KIF5B: variants seen among roughly 807,000 people sequenced by gnomAD.
KIF5B encodes kinesin-1 heavy chain.
KIF5B carries 49 observed loss-of-function variants against 132.8 expected under a neutral mutation model. That is an observed-to-expected ratio of 0.37 (90% CI 0.29 to 0.47). The LOEUF (loss-of-function observed/expected upper bound fraction) is 0.47. KIF5B is among the 20% of genes least tolerant of loss of function. The pLI is 1.00. For synonymous variants in KIF5B, 355 were observed against 369.4 expected, an observed-to-expected ratio of 0.96 and a Z score of 0.45; for missense variants, 780 against 1,144.0, an observed-to-expected ratio of 0.68 and a Z score of 4.59.
intron 2 of KIF5B, among the ~76,000 whole-genome samples, chr10:32,042,211 A>AC (rs1383802643): frequency 1.3e-5 from 2 of 152,094 alleles, no homozygotes; most frequent in Non-Finnish European, 2.9e-5. Context: ...AGAAAAAAAA[A>AC]CCCCAACATG....
chr10:32,042,978 T>C (rs1425773399), intron 2 of KIF5B, among the ~76,000 whole-genome samples: 4 of 152,110 alleles, frequency 2.6e-5, no homozygotes, highest in African/African-American at 9.7e-5. Context: ...CAAAACCCCG[T>C]GCACGGTACT....
At chr10:32,040,305 G>A (rs1005254757) in intron 3 of KIF5B, 79 bp downstream of exon 3, 49 of 842,312 alleles carry the variant, frequency 5.8e-5, no homozygotes, top group Middle Eastern at 2.2e-4. Flanking sequence ...AAATGTTTAT[G>A]CATGGTGAAA....
At chr10:32,034,664 A>G (rs753000507) in intron 11 of KIF5B, 26 bp downstream of exon 11, 2 of 1,511,402 alleles carry the variant, frequency 1.3e-6, no homozygotes, top group Non-Finnish European at 1.8e-6. Context: ...TAACAAACTG[A>G]AGATGACAAA....
In KIF5B at chr10:32,031,275, A is replaced by G; in HGVS notation, c.1379T>C (p.Leu460Ser). ...GTCTTGATCCCTTCTGGTAGATGCC[A>G]AAAGCTATAGGACAGAAAATAATTT... ...KTQMLDQEEL[L>S]ASTRRDQDNM... The change falls in exon 14 of 26, where the codon TTG (leucine) becomes TCG (serine). Residue 460 changes from leucine (L) to serine (S), a missense_variant. This residue lies in a region of KIF5B where 471 missense variants were observed against 569.9 expected (regional missense o/e 0.83). Coordinates refer to ENST00000302418, the MANE Select transcript of KIF5B (RefSeq NM_004521.3). The G allele has an allele frequency of 6.2e-7, 1 of 1,612,322 alleles. No individual in the cohort carries two copies. The highest frequency in any genetic ancestry group is 1.1e-5 in the South Asian group (1 of 91,024).
At chr10:32,034,062 T>C in intron 11 of KIF5B, 24 bp from the exon 12 acceptor site, 1 of 1,452,248 alleles carries the variant, frequency 6.9e-7, no homozygotes, top group Non-Finnish European at 9.3e-7. Context: ...ATAAAGTGGT[T>C]AATAAAAAAA....
Position 32,037,311 on chromosome 10 carries a change from TTG to T in KIF5B, c.652_653del (p.Gln218AsnfsTer13). 1 of 1,613,930 alleles carries T rather than the reference TTG, an allele frequency of 6.2e-7. No homozygotes were observed. Among genetic ancestry groups the T allele is most frequent in the Non-Finnish European group, 8.5e-7 (1 of 1,179,798 alleles). On this transcript the variant is annotated frameshift_variant, in exon 8 of 26. Coordinates refer to ENST00000302418, the MANE Select transcript of KIF5B (RefSeq NM_004521.3). LOFTEE classifies it high-confidence loss of function. ...GTTTTCCACTCAGCTTTTGTTCCGT[TTG>T]TGTGTTCTCTTGTTTGACATTAATA... ...FLINVKQENT[Q>X]TEQKLSGKLY...
At position 32,017,170 on chromosome 10, in the gene KIF5B, C is replaced by G; in HGVS notation, c.2734G>C (p.Ala912Pro). Residue 912 changes from alanine to proline, a missense_variant, in exon 24 of 26, where the codon GCC becomes CCC. By Grantham distance (27) the Ala-to-Pro change is conservative. Around this residue, in one of 9 missense-constraint regions of KIF5B, gnomAD observed 90 missense variants for 101.8 expected, o/e 0.88. Coordinates refer to ENST00000302418, the MANE Select transcript of KIF5B (RefSeq NM_004521.3). ...ATCTGTGCAGAATGCCCTCTTCTGGCCATATTCTTTGACCTGACTGCTTCC... is the reference window on the plus strand; with the variant it reads ...ATCTGTGCAGAATGCCCTCTTCTGGGCATATTCTTTGACCTGACTGCTTCC... ...IKEAVRSKNMARRGHSAQIAK... is the reference protein window; with the variant it reads ...IKEAVRSKNMPRRGHSAQIAK... 6.2e-7 allele frequency: 1 copy of G among 1,614,110 alleles called. No individual in the cohort carries two copies. The highest frequency in any genetic ancestry group is 8.5e-7 in the Non-Finnish European group (1 of 1,179,946).
intron 14 of KIF5B, among the ~76,000 whole-genome samples, chr10:32,030,796 G>A (rs1267138212): frequency 2.0e-5 from 3 of 152,010 alleles, no homozygotes; most frequent in Non-Finnish European, 4.4e-5. Context: ...GATTCTACAT[G>A]CTATATACTA....
At chr10:32,045,227 A>T (rs1841594089) in intron 2 of KIF5B, among the ~76,000 whole-genome samples, 1 of 152,186 alleles carries the variant, frequency 6.6e-6, no homozygotes, top group Non-Finnish European at 1.5e-5. Context: ...TGAGAAAGAT[A>T]AAAGTCCAGG....
chr10:32,015,952 T>C (rs917305615), intron 24 of KIF5B, among the ~76,000 whole-genome samples: 1 of 151,982 alleles, frequency 6.6e-6, no homozygotes, highest in East Asian at 1.9e-4. Flanking sequence ...AAGACCAGAC[T>C]AGGCAATAAG....
intron 14 of KIF5B, among the ~76,000 whole-genome samples, chr10:32,030,583 G>A (rs776302281): frequency 6.6e-6 from 1 of 151,392 alleles, no homozygotes; most frequent in African/African-American, 2.4e-5. Context: ...ACTGTTCCAC[G>A]TAGTGGAAAT....
rs1483043046 is a variant in KIF5B at position 32,010,196 on chromosome 10, A to G, written c.*1341T>C. Reference sequence around the variant, plus strand: ...TGTGAATTTCTGCTAACACAGTTGCAGTCACCGCCCCCCTACCACTGATGA... The same window carrying G: ...TGTGAATTTCTGCTAACACAGTTGCGGTCACCGCCCCCCTACCACTGATGA... On this transcript the variant is annotated 3_prime_UTR_variant, in exon 26 of 26. Coordinates refer to ENST00000302418, the MANE Select transcript of KIF5B (RefSeq NM_004521.3). The G allele has an allele frequency of 1.3e-5, 2 of 152,124 alleles. No individual in the cohort carries two copies. The highest frequency in any genetic ancestry group is 6.5e-5 in the Admixed American group (1 of 15,272). 9.4% of individuals were successfully genotyped at this position (152,124 alleles called of 1,614,324 possible).
intron 20 of KIF5B, 72 bp downstream of exon 20, chr10:32,019,786 A>G (rs1485686156): frequency 1.1e-5 from 11 of 1,023,650 alleles, no homozygotes; most frequent in Non-Finnish European, 1.3e-5. Flanking sequence ...CACTGGCTAT[A>G]TCCAAAGGTA....
intron 20 of KIF5B, among the ~76,000 whole-genome samples, chr10:32,019,627 A>T (rs1841230942): frequency 6.6e-6 from 1 of 152,232 alleles, no homozygotes; most frequent in African/African-American, 2.4e-5. Flanking sequence ...AGATTAATAA[A>T]GAGAAACCTT....
Position 32,018,082 on chromosome 10 carries a change from A to G in KIF5B, c.2514T>C (p.Asn838=). Residue 838 remains asparagine, a synonymous_variant, in exon 23 of 26, where the codon AAT becomes AAC. Coordinates refer to ENST00000302418, the MANE Select transcript of KIF5B (RefSeq NM_004521.3). ...TGTGCACTTTAGTGAGCTGTTCAAG[A>G]TTATTTTCAAGAAAGGAGATTTTTT... ...QKQKISFLEN[N]LEQLTKVHKQ... The G allele has an allele frequency of 6.2e-7, 1 of 1,610,090 alleles. No individual in the cohort carries two copies. Among genetic ancestry groups the G allele is most frequent in the Admixed American group, 1.7e-5 (1 of 59,926 alleles).
intron 14 of KIF5B, among the ~76,000 whole-genome samples, chr10:32,030,641 T>C (rs1841391759): frequency 1.3e-5 from 2 of 152,196 alleles, no homozygotes; most frequent in East Asian, 3.9e-4. Flanking sequence ...TATCCTTACA[T>C]CTATTCCAAA....
At position 32,021,284 on chromosome 10, in the gene KIF5B, T is replaced by C. The variant is rs771747195; in HGVS notation, c.2036A>G (p.Lys679Arg). ...GTGCTCCTTTTCCATTTCATGGACT[T>C]TCTCTGTTTGAATAGAGAGAAAATA... ...EELVQLRAQEKVHEMEKEHLN... is the reference protein window; with the variant it reads ...EELVQLRAQERVHEMEKEHLN... The change falls in exon 18 of 26, where the codon AAA (lysine) becomes AGA (arginine). Residue 679 changes from lysine (K) to arginine (R), a missense_variant. By Grantham distance (26) the Lys-to-Arg change is conservative. Around this residue, in one of 9 missense-constraint regions of KIF5B, gnomAD observed 471 missense variants for 569.9 expected, o/e 0.83. Coordinates refer to ENST00000302418, the MANE Select transcript of KIF5B (RefSeq NM_004521.3). 6.2e-7 allele frequency: 1 copy of C among 1,609,534 alleles called. No individual in the cohort carries two copies. The highest frequency in any genetic ancestry group is 8.5e-7 in the Non-Finnish European group (1 of 1,176,368).
chr10:32,056,135 A>T lies in KIF5B; in HGVS notation c.-162T>A. 1 of 767,866 alleles carries T rather than the reference A, an allele frequency of 1.3e-6. No individual in the cohort carries two copies. Among genetic ancestry groups the T allele is most frequent in the Non-Finnish European group, 2.0e-6 (1 of 499,994 alleles). 47.6% of individuals were successfully genotyped at this position (767,866 alleles called of 1,614,324 possible). ...GGGTGGAGGCGGCCGGGGAGCCGGG[A>T]CTTGAAGAGCCGGCGCCGGCAGCCG... is the stretch of plus-strand genomic sequence containing the variant. On this transcript the variant is annotated 5_prime_UTR_variant, in exon 1 of 26. Coordinates refer to ENST00000302418, the MANE Select transcript of KIF5B (RefSeq NM_004521.3).
chr10:32,011,771 T>TA (rs1486758142), intron 25 of KIF5B, among the ~76,000 whole-genome samples: 2 of 152,166 alleles, frequency 1.3e-5, no homozygotes, highest in African/African-American at 4.8e-5. Context: ...CCTTTGTTTT[T>TA]ATTCTCCCAA....
Sources: allele counts gnomAD v4.1 joint callset (sites outside exome capture counted in the v4.1 genomes callset), GRCh38; gene constraint gnomAD v4.1.1; regional missense constraint gnomAD v4.1.1; transcripts MANE v1.5; gene names NCBI Gene and HGNC (gene_info 2026-07-23, HGNC 2026-07-21).